NGLY1: variants seen among roughly 807,000 people sequenced by gnomAD.
NGLY1 encodes N-glycanase 1, also known as peptide-N(4)-(N-acetyl-beta-glucosaminyl)asparagine amidase.
In NGLY1, 68 loss-of-function variants were observed where a neutral mutation model predicts 84.6. The observed-to-expected ratio is 0.80, with a 90% confidence interval of 0.66 to 0.98. The LOEUF (loss-of-function observed/expected upper bound fraction) is 0.98. Among genes scored for constraint, NGLY1 ranks in the 50% least tolerant of loss-of-function variants. The pLI, the probability that NGLY1 is intolerant of heterozygous loss-of-function variation, is 0.00. For synonymous variants in NGLY1, 280 were observed against 275.2 expected (o/e 1.02, Z -0.17); for missense variants, 779 against 770.2 (o/e 1.01, Z -0.14).
intron 9 of NGLY1, chr3:25,730,361 C>G (rs1705480423): frequency 6.6e-6 from 1 of 151,814 alleles, no homozygotes; most frequent in African/African-American, 2.4e-5. Flanking sequence ...TTTTTAAATC[C>G]ATGGCCCTAA....
intron 2 of NGLY1, among the ~76,000 whole-genome samples, chr3:25,773,418 G>A (rs967271131): frequency 1.3e-5 from 2 of 152,080 alleles, no homozygotes; most frequent in African/African-American, 4.8e-5. Flanking sequence ...TTCCATTGTT[G>A]AAACTTTCCG....
At chr3:25,767,838 CG>C (rs1489226874) in intron 2 of NGLY1, among the ~76,000 whole-genome samples, 3 of 151,978 alleles carry the variant, frequency 2.0e-5, no homozygotes, top group African/African-American at 7.2e-5. Flanking sequence ...AGAGGCTGGG[CG>C]GGGTGGCTCA....
At chr3:25,778,214 T>A (rs1487725653) in intron 2 of NGLY1, 1 of 155,552 alleles carries the variant, frequency 6.4e-6, no homozygotes, top group African/African-American at 2.4e-5. Context: ...CAGACTCTTT[T>A]CATTTCCTAC....
At chr3:25,740,278 A>T (rs1478652752) in intron 4 of NGLY1, among the ~76,000 whole-genome samples, 1 of 152,226 alleles carries the variant, frequency 6.6e-6, no homozygotes, top group Non-Finnish European at 1.5e-5. Flanking sequence ...CCTTTCTATT[A>T]GGGCTTCAAC....
chr3:25,770,493 AT>A (rs1450747249), intron 2 of NGLY1, among the ~76,000 whole-genome samples: 1 of 152,130 alleles, frequency 6.6e-6, no homozygotes, highest in African/African-American at 2.4e-5. Flanking sequence ...GATTGATTCC[AT>A]ATTTTTGCAA....
chr3:25,734,915 A>C, intron 7 of NGLY1: 1 of 769,756 alleles, frequency 1.3e-6, no homozygotes, highest in Non-Finnish European at 1.6e-6. Context: ...ATCCATTTTT[A>C]TTGTATTAGA....
At chr3:25,732,289 AG>A (rs1400331168) in intron 9 of NGLY1, 29 bp downstream of exon 9, 2 of 1,605,588 alleles carry the variant, frequency 1.2e-6, no homozygotes, top group Non-Finnish European at 1.7e-6. Context: ...GGAAAGTAAA[AG>A]GATCATCATG....
intron 3 of NGLY1, among the ~76,000 whole-genome samples, chr3:25,753,594 T>A (rs1425971097): frequency 6.6e-6 from 1 of 152,102 alleles, no homozygotes; most frequent in East Asian, 1.9e-4. Flanking sequence ...GTTCTTGTCT[T>A]ATGGGAAGAT....
intron 10 of NGLY1, among the ~76,000 whole-genome samples, chr3:25,724,144 G>C: frequency 6.6e-6 from 1 of 152,210 alleles, no homozygotes; most frequent in East Asian, 1.9e-4. Flanking sequence ...TTTGCTCAAA[G>C]ATTTTTTGAT....
intron 3 of NGLY1, among the ~76,000 whole-genome samples, chr3:25,759,917 AACACACACACAC>A (rs71624610): frequency 7.2e-5 from 3 of 41,732 alleles, no homozygotes; most frequent in African/African-American, 1.2e-4. Context: ...TAGTTAAAAA[AACACACACACAC>A]ACACACACAC....
upstream of NGLY1, among the ~76,000 whole-genome samples, chr3:25,787,793 C>T (rs1036952057): frequency 1.3e-5 from 2 of 152,184 alleles, no homozygotes; most frequent in Non-Finnish European, 2.9e-5. Context: ...TACTCTCATG[C>T]GTTTACTGTT....
chr3:25,777,383 G>A (rs1007173970), intron 2 of NGLY1, among the ~76,000 whole-genome samples: 8 of 88,054 alleles, frequency 9.1e-5, no homozygotes, highest in East Asian at 4.5e-4. Flanking sequence ...CAACAAGAGC[G>A]AAACTCCATC....
intron 1 of NGLY1, chr3:25,782,906 T>G: frequency 4.3e-6 from 1 of 235,048 alleles, no homozygotes; most frequent in Non-Finnish European, 8.5e-6. Context: ...TGTGTCCCGA[T>G]ATCTGAGGCC....
At chr3:25,742,500 T>C (rs1706199030) in intron 4 of NGLY1, among the ~76,000 whole-genome samples, 2 of 152,196 alleles carry the variant, frequency 1.3e-5, no homozygotes, top group Non-Finnish European at 2.9e-5. Flanking sequence ...ATTTAAGGTA[T>C]AAATATCCAG....
At chr3:25,736,409 G>A in intron 6 of NGLY1, 5 of 1,537,316 alleles carry the variant, frequency 3.3e-6, no homozygotes, top group Non-Finnish European at 3.5e-6. Context: ...CTCTTAAGAA[G>A]GTAGACATAT....
At chr3:25,751,570 T>C (rs1706754664) in intron 3 of NGLY1, among the ~76,000 whole-genome samples, 1 of 152,206 alleles carries the variant, frequency 6.6e-6, no homozygotes, top group Non-Finnish European at 1.5e-5. Flanking sequence ...ATGCATCTAA[T>C]GGCCCCTTCC....
chr3:25,733,959 A>C lies in NGLY1; in HGVS notation c.1173T>G (p.Tyr391Ter). 1.2e-6 allele frequency: 2 copies of C among 1,613,772 alleles called. No individual in the cohort carries two copies. Among genetic ancestry groups the C allele is most frequent in the Non-Finnish European group, 1.7e-6 (2 of 1,179,788 alleles). The change falls in exon 8 of 12, where the codon TAT becomes TAG. Residue 391 changes from tyrosine to a stop codon, truncating the protein, a stop_gained. Transcript: ENST00000280700. LOFTEE classifies it high-confidence loss of function. ...CAATCACCTCTTCATGTTTGCAGGA[A>C]TATCGCCAAGTGACATCAACTACCT... is the stretch of plus-strand genomic sequence containing the variant. ...KDEVVDVTWR[Y>*]SCKHEEVIAR...
intron 7 of NGLY1, chr3:25,735,744 G>GGTC: frequency 6.5e-6 from 2 of 308,414 alleles, no homozygotes; most frequent in South Asian, 5.7e-5. Context: ...GAGTGTTCAT[G>GGTC]GCAGCTTAAT....
chr3:25,760,669 G>A (rs1707268218), intron 3 of NGLY1, among the ~76,000 whole-genome samples: 1 of 152,050 alleles, frequency 6.6e-6, no homozygotes, highest in South Asian at 2.1e-4. Context: ...AGACCAGCCT[G>A]ACCAACATGG....
Sources: allele counts gnomAD v4.1 joint callset (sites outside exome capture counted in the v4.1 genomes callset), GRCh38; gene constraint gnomAD v4.1.1; transcripts MANE v1.5; gene names NCBI Gene and HGNC (gene_info 2026-07-23, HGNC 2026-07-21).